The following RABEP1 variants were observed in gnomAD, a reference collection of about 807,000 sequenced individuals.
RABEP1 encodes rabaptin, RAB GTPase binding effector protein 1.
In RABEP1, 51 loss-of-function variants were observed where a neutral mutation model predicts 123.4. The ratio of observed to expected loss-of-function variants is 0.41; its 90% CI spans 0.33 to 0.52. The LOEUF (loss-of-function observed/expected upper bound fraction) is 0.52. Among genes scored for constraint, RABEP1 ranks in the 20% least tolerant of loss-of-function variants. The pLI, the probability that RABEP1 is intolerant of heterozygous loss-of-function variation, is 0.16. For synonymous variants in RABEP1, 347 were observed against 355.2 expected (o/e 0.98, Z 0.26); for missense variants, 888 against 996.3 (o/e 0.89, Z 1.46).
intron 1 of RABEP1, among the ~76,000 whole-genome samples, chr17:5,291,594 TTTTTG>T (rs909805745): frequency 6.6e-6 from 1 of 152,168 alleles, no homozygotes; most frequent in African/African-American, 2.4e-5. Context: ...GTTGTAAGTT[TTTTTG>T]TTTTGTTTTG....
Position 5,282,500 on chromosome 17 carries a change from G to C in RABEP1, c.14G>C (p.Gly5Ala). Residue 5 changes from glycine to alanine, a missense_variant, in exon 1 of 18, where the codon GGC becomes GCC. Transcript: ENST00000537505. Reference sequence around the variant, plus strand: ...GGCCGCCTGGTCATGGCGCAGCCGGGCCCGGCTTCCCAGCCTGACGGTGAG... The same window carrying C: ...GGCCGCCTGGTCATGGCGCAGCCGGCCCCGGCTTCCCAGCCTGACGGTGAG... MAQP[G>A]PASQPDVSLQ... 7.8e-7 allele frequency: 1 copy of C among 1,278,674 alleles called. No individual in the cohort carries two copies. The highest frequency in any genetic ancestry group is 1.5e-5 in the African/African-American group (1 of 64,766). The allele number at this position is 1,278,674 out of a possible 1,614,324, so 79.2% of individuals were successfully genotyped here. A position where few individuals can be genotyped will look rare whatever the true frequency, so the allele number is the denominator to read the frequency against.
chr17:5,324,443 A>G (rs1022678453), intron 2 of RABEP1, among the ~76,000 whole-genome samples: 12 of 152,238 alleles, frequency 7.9e-5, no homozygotes, highest in Non-Finnish European at 1.8e-4. Context: ...ATCAAAGTAG[A>G]TTAAAGACTT....
intron 2 of RABEP1, among the ~76,000 whole-genome samples, chr17:5,329,268 C>T (rs540832915): frequency 4.6e-5 from 7 of 152,188 alleles, no homozygotes; most frequent in African/African-American, 1.4e-4. Context: ...TGGTGGCTCA[C>T]GCCTGTAATC....
rs115009476 is a variant in RABEP1 at position 5,357,215 on chromosome 17, A to C, written c.1095+2725A>C. Among the ~76,000 whole-genome samples the C allele has an allele frequency of 1.1e-3, 165 of 152,106 alleles. 1 individual carries two copies. Among genetic ancestry groups the C allele is most frequent in the African/African-American group, 3.8e-3 (158 of 41,478 alleles). ...AAAACATAATCTAGATTATAACTAC[A>C]TAGTGTTTTGTGCAAATTTTTTCCC... On this transcript the variant is annotated intron_variant, in intron 8 of 17. Coordinates refer to ENST00000537505, the MANE Select transcript of RABEP1 (RefSeq NM_004703.6).
At chr17:5,326,725 G>T (rs901246455) in intron 2 of RABEP1, among the ~76,000 whole-genome samples, 2 of 152,092 alleles carry the variant, frequency 1.3e-5, no homozygotes, top group African/African-American at 4.8e-5. Flanking sequence ...GAGTGTGGAT[G>T]TACAGGGGTG....
chr17:5,338,973 A>G (rs568889823), intron 5 of RABEP1, among the ~76,000 whole-genome samples: 4 of 152,156 alleles, frequency 2.6e-5, no homozygotes, highest in Non-Finnish European at 5.9e-5. Context: ...CCTGGGCAAC[A>G]TAGTGAGACC....
intron 17 of RABEP1, among the ~76,000 whole-genome samples, chr17:5,382,879 C>T (rs939091480): frequency 1.3e-5 from 2 of 151,674 alleles, no homozygotes; most frequent in Non-Finnish European, 2.9e-5. Flanking sequence ...GAGATCACAC[C>T]ATTGCACTCT....
At position 5,383,517 on chromosome 17, in the gene RABEP1, C is replaced by T. The variant is rs1347752845; in HGVS notation, c.*294C>T. ...AGCGCTGTTTCCTTGCCTGCTTTCT[C>T]CAAGACAGATTTTCGGAACACATTT... On this transcript the variant is annotated 3_prime_UTR_variant, in exon 18 of 18. Coordinates refer to ENST00000537505, the MANE Select transcript of RABEP1 (RefSeq NM_004703.6). The T allele has an allele frequency of 8.1e-6, 3 of 369,002 alleles. No individual in the cohort carries two copies. In the South Asian group the frequency reaches 1.2e-4, roughly 15 times the overall value. The allele number at this position is 369,002 out of a possible 1,614,324, so 22.9% of individuals were successfully genotyped here. A position where few individuals can be genotyped will look rare whatever the true frequency, so the allele number is the denominator to read the frequency against.
intron 4 of RABEP1, chr17:5,336,659 T>G (rs1417813535): frequency 1.7e-5 from 5 of 294,966 alleles, no homozygotes; most frequent in Non-Finnish European, 2.6e-5. Flanking sequence ...TGAAGTCATA[T>G]TTATATTAAT....
intron 1 of RABEP1, among the ~76,000 whole-genome samples, chr17:5,292,192 G>A (rs1436761030): frequency 1.3e-5 from 2 of 152,216 alleles, no homozygotes; most frequent in Non-Finnish European, 2.9e-5. Flanking sequence ...GTGAAGTATA[G>A]ACTTAAAGTG....
At chr17:5,346,158 C>G (rs1908043100) in intron 5 of RABEP1, among the ~76,000 whole-genome samples, 1 of 152,182 alleles carries the variant, frequency 6.6e-6, no homozygotes, top group Admixed American at 6.5e-5. Flanking sequence ...CCCACCTTTG[C>G]CTCCCAAAGT....
intron 1 of RABEP1, among the ~76,000 whole-genome samples, chr17:5,293,587 T>G (rs1248549629): frequency 6.6e-6 from 1 of 152,062 alleles, no homozygotes; most frequent in Non-Finnish European, 1.5e-5. Context: ...TTGTATTTTT[T>G]GTACAGACAG....
chr17:5,333,711 G>C lies in RABEP1; in HGVS notation c.368-1473G>C, dbSNP rs146653106. 3.9e-3 allele frequency among the ~76,000 whole-genome samples: 597 copies of C among 152,232 alleles called. 2 individuals carry two copies. Among genetic ancestry groups the C allele is most frequent in the Non-Finnish European group, 5.6e-3 (380 of 68,006 alleles). On this transcript the variant is annotated intron_variant, in intron 3 of 17. Coordinates refer to ENST00000537505, the MANE Select transcript of RABEP1 (RefSeq NM_004703.6). ...TCCAAAGGTAGATAATCTAGGCCTG[G>C]TTTTGTATTGGTTCCATGATGTCAA... is the stretch of plus-strand genomic sequence containing the variant.
chr17:5,353,042 G>A (rs1387679987), intron 7 of RABEP1, among the ~76,000 whole-genome samples: 1 of 152,146 alleles, frequency 6.6e-6, no homozygotes, highest in East Asian at 1.9e-4. Context: ...AGGCTGAGAC[G>A]TCATGTATGG....
intron 2 of RABEP1, among the ~76,000 whole-genome samples, chr17:5,329,784 T>TTA (rs1162971467): frequency 4.0e-5 from 6 of 148,956 alleles, no homozygotes; most frequent in Non-Finnish European, 8.9e-5. Flanking sequence ...TTTTTTGTAT[T>TTA]TATATATATA....
At chr17:5,301,160 G>T (rs562363759) in intron 1 of RABEP1, among the ~76,000 whole-genome samples, 1 of 152,274 alleles carries the variant, frequency 6.6e-6, no homozygotes, top group African/African-American at 2.4e-5. Context: ...TGTTGTCTCT[G>T]CTGCTTGGAC....
chr17:5,294,368 T>G (rs566628728), intron 1 of RABEP1, among the ~76,000 whole-genome samples: 1 of 151,950 alleles, frequency 6.6e-6, no homozygotes, highest in African/African-American at 2.4e-5. Flanking sequence ...TGGGTGACAG[T>G]GAGACTCCAA....
chr17:5,352,434 C>T (rs1160682939), intron 7 of RABEP1, among the ~76,000 whole-genome samples: 1 of 151,228 alleles, frequency 6.6e-6, no homozygotes, highest in Non-Finnish European at 1.5e-5. Flanking sequence ...CTCAAGTTAT[C>T]TGCCCGTCTC....
intron 12 of RABEP1, 108 bp from the exon 13 acceptor site, chr17:5,373,206 C>T (rs1910664924): frequency 1.0e-6 from 1 of 999,314 alleles, no homozygotes; most frequent in Admixed American, 3.1e-5. Flanking sequence ...TCACCATACC[C>T]CGTCCATCCT....
Sources: allele counts gnomAD v4.1 joint callset (sites outside exome capture counted in the v4.1 genomes callset), GRCh38; gene constraint gnomAD v4.1.1; transcripts MANE v1.5; gene names NCBI Gene and HGNC (gene_info 2026-07-23, HGNC 2026-07-21).